RNF138: variants seen among roughly 807,000 people sequenced by gnomAD.
RNF138 encodes ring finger protein 138.
Under a neutral mutation model 31.0 loss-of-function variants are expected in RNF138, and 12 were observed. The ratio of observed to expected loss-of-function variants is 0.39; its 90% CI spans 0.25 to 0.63. The LOEUF (loss-of-function observed/expected upper bound fraction) is 0.63, where lower values mean the gene tolerates loss of function less well. RNF138 is among the 20% of genes least tolerant of loss of function. RNF138 has a pLI of 0.52. For missense variants in RNF138, 192 were observed against 300.1 expected (o/e 0.64, Z 2.66); for synonymous variants, 105 against 99.5 (o/e 1.06, Z -0.33).
At chr18:32,108,357 C>A (rs530688430) in intron 2 of RNF138, among the ~76,000 whole-genome samples, 1 of 152,130 alleles carries the variant, frequency 6.6e-6, no homozygotes, top group African/African-American at 2.4e-5. Context: ...TTCAGGATAC[C>A]ATTATCCTGA....
chr18:32,119,930 G>A (rs947984113), intron 4 of RNF138, among the ~76,000 whole-genome samples: 3 of 152,040 alleles, frequency 2.0e-5, no homozygotes, highest in Non-Finnish European at 4.4e-5. Flanking sequence ...TGATTTGTTA[G>A]TTGTAATAGT....
At chr18:32,126,903 C>G in intron 7 of RNF138, 103 bp downstream of exon 7, 1 of 677,738 alleles carries the variant, frequency 1.5e-6, no homozygotes, top group South Asian at 1.8e-5. Flanking sequence ...TTGTATCTTA[C>G]TGGATGGATT....
At chr18:32,095,451 C>T (rs555860974) in intron 2 of RNF138, among the ~76,000 whole-genome samples, 122 of 152,124 alleles carry the variant, frequency 8.0e-4, no homozygotes, top group Non-Finnish European at 1.4e-3. Flanking sequence ...GGATGACAGG[C>T]GTGAGGCATG....
At chr18:32,093,408 A>G (rs1247460964) in intron 2 of RNF138, among the ~76,000 whole-genome samples, 5 of 152,130 alleles carry the variant, frequency 3.3e-5, no homozygotes, top group Non-Finnish European at 7.4e-5. Context: ...CCTCGGTCCA[A>G]GAGCTCTTCT....
intron 4 of RNF138, among the ~76,000 whole-genome samples, chr18:32,114,721 A>G (rs562990789): frequency 3.3e-4 from 50 of 152,372 alleles, no homozygotes; most frequent in African/African-American, 1.0e-3. Context: ...TATTATAGAA[A>G]GGTTCCCAGG....
rs1177460416 is a variant in RNF138, at chr18:32,111,724, G to T, written c.111-30G>T. 7.7e-6 allele frequency: 12 copies of T among 1,568,552 alleles called. No individual in the cohort carries two copies. In the Admixed American group the frequency reaches 9.7e-5, roughly 13 times the overall value. On this transcript the variant is annotated intron_variant, in intron 2 of 7. Coordinates refer to ENST00000261593, the MANE Select transcript of RNF138 (RefSeq NM_016271.5). ...AGAGATGAAGAGAGTAATTTTTTTT[G>T]TAATTAATGTGTCACAATGTTTGGT...
At chr18:32,106,711 C>T (rs2040035456) in intron 2 of RNF138, among the ~76,000 whole-genome samples, 3 of 151,806 alleles carry the variant, frequency 2.0e-5, no homozygotes, top group Admixed American at 6.6e-5. Context: ...ACTACAGGCG[C>T]CCGTCACCAT....
chr18:32,098,740 C>G (rs1458264205), intron 2 of RNF138, among the ~76,000 whole-genome samples: 2 of 151,386 alleles, frequency 1.3e-5, no homozygotes, highest in African/African-American at 4.9e-5. Context: ...GTAATCCCAG[C>G]TGTTCGGGAG....
chr18:32,124,971 A>T, intron 6 of RNF138, 126 bp downstream of exon 6: 1 of 588,138 alleles, frequency 1.7e-6, no homozygotes, highest in Admixed American at 2.9e-5. Context: ...AGTAAGGTAG[A>T]TTTTTGTCAA....
At chr18:32,120,830 G>T (rs1246647134) in intron 4 of RNF138, among the ~76,000 whole-genome samples, 1 of 152,114 alleles carries the variant, frequency 6.6e-6, no homozygotes. Flanking sequence ...TGTACCCCCA[G>T]TGTTTGTGTT....
intron 4 of RNF138, among the ~76,000 whole-genome samples, chr18:32,122,869 C>T (rs1049137857): frequency 6.6e-6 from 1 of 152,084 alleles, no homozygotes; most frequent in Non-Finnish European, 1.5e-5. Flanking sequence ...CCACATTGAT[C>T]AAATTCTGTA....
chr18:32,125,008 A>G (rs1367044896), intron 6 of RNF138, 163 bp downstream of exon 6: 1 of 552,894 alleles, frequency 1.8e-6, no homozygotes, highest in Non-Finnish European at 3.2e-6. Flanking sequence ...GTGAAGCAAA[A>G]TGAGATATTT....
chr18:32,095,753 T>A (rs1455460483), intron 2 of RNF138, among the ~76,000 whole-genome samples: 1 of 152,198 alleles, frequency 6.6e-6, no homozygotes, highest in East Asian at 1.9e-4. Context: ...TAAACTCCCG[T>A]TTAATCCCCA....
At chr18:32,092,644 T>G (rs1041633042) in intron 1 of RNF138, 56 bp from the exon 2 acceptor site, 12 of 654,056 alleles carry the variant, frequency 1.8e-5, no homozygotes, top group Non-Finnish European at 3.3e-5. Flanking sequence ...CCCGCCCCCT[T>G]CCTGGCGCGC....
At chr18:32,118,237 T>G (rs2040247654) in intron 4 of RNF138, among the ~76,000 whole-genome samples, 2 of 152,288 alleles carry the variant, frequency 1.3e-5, no homozygotes, top group Non-Finnish European at 2.9e-5. Context: ...ATATTCTGGA[T>G]AGTAATCCTT....
intron 4 of RNF138, among the ~76,000 whole-genome samples, chr18:32,117,815 A>G (rs1461119431): frequency 1.3e-5 from 2 of 152,230 alleles, no homozygotes; most frequent in African/African-American, 4.8e-5. Context: ...TAGCAGTGCT[A>G]ATTTTACTAA....
Position 32,131,242 on chromosome 18 carries a change from A to AAAT in RNF138, c.*2057_*2059dup, listed in dbSNP as rs1432491420. 1 of 151,748 alleles carries AAAT rather than the reference A, an allele frequency of 6.6e-6. No homozygotes were observed. The highest frequency in any genetic ancestry group is 1.5e-5 in the Non-Finnish European group (1 of 67,954). 9.4% of individuals were successfully genotyped at this position (151,748 alleles called of 1,614,324 possible). A position where few individuals can be genotyped will look rare whatever the true frequency, so the allele number is the denominator to read the frequency against. Reference sequence around the variant, plus strand: ...TCACATATCAGCTTTTTCATAAGGAAAATACTTTATTTGCTTTTATCTGAG... The same window carrying AAAT: ...TCACATATCAGCTTTTTCATAAGGAAAATAATACTTTATTTGCTTTTATCTGAG... On this transcript the variant is annotated 3_prime_UTR_variant, in exon 8 of 8. Transcript: ENST00000261593.
chr18:32,108,882 A>G (rs575183351), intron 2 of RNF138, among the ~76,000 whole-genome samples: 2 of 152,172 alleles, frequency 1.3e-5, no homozygotes, highest in Admixed American at 6.5e-5. Flanking sequence ...AAGTCTCACT[A>G]TGTTGTCCAG....
chr18:32,111,578 A>T (rs16962696), intron 2 of RNF138, among the ~76,000 whole-genome samples, 176 bp from the exon 3 acceptor site: 1 of 152,244 alleles, frequency 6.6e-6, no homozygotes, highest in Non-Finnish European at 1.5e-5. Context: ...TCCAGTTATC[A>T]GTCTTACTCT....
Sources: allele counts gnomAD v4.1 joint callset (sites outside exome capture counted in the v4.1 genomes callset), GRCh38; gene constraint gnomAD v4.1.1; transcripts MANE v1.5; gene names NCBI Gene and HGNC (gene_info 2026-07-23, HGNC 2026-07-21).